The following BMP2K variants were observed in gnomAD, a reference collection of about 807,000 sequenced individuals.
The protein encoded by BMP2K is BMP-2-inducible protein kinase.
A neutral mutation model predicts 116.0 loss-of-function variants in BMP2K; 74 were observed. The ratio of observed to expected loss-of-function variants is 0.64; its 90% CI spans 0.53 to 0.77. BMP2K has a LOEUF of 0.77. Among genes scored for constraint, BMP2K ranks in the 30% least tolerant of loss-of-function variants. The pLI is 0.00. For missense variants in BMP2K, 1,365 were observed against 1,403.6 expected (o/e 0.97, Z 0.44); for synonymous variants, 486 against 502.5 (o/e 0.97, Z 0.44).
chr4:78,781,754 G>A (rs1727515853), intron 1 of BMP2K, among the ~76,000 whole-genome samples: 1 of 152,060 alleles, frequency 6.6e-6, no homozygotes, highest in Non-Finnish European at 1.5e-5. Context: ...TGCTGAGCCT[G>A]GTCCCCAACT....
chr4:78,864,558 GT>G (rs11352627), intron 9 of BMP2K, among the ~76,000 whole-genome samples: 25,535 of 144,656 alleles, frequency 0.18, 4,377 homozygotes, highest in African/African-American at 0.45. Flanking sequence ...TCAGTGTCAC[GT>G]TTTTTTTTTT....
In BMP2K at chr4:78,852,308, G is replaced by A. The variant is rs187504513; in HGVS notation, c.883+1252G>A. Among the ~76,000 whole-genome samples, 17 of 152,092 alleles carry A rather than the reference G, an allele frequency of 1.1e-4. No individual in the cohort carries two copies. The East Asian group carries it at 2.9e-3, about 26-fold the overall frequency. ...TGCTTCCCTTACTGTCAGTAAATGT[G>A]CTAATTTTAGTTTTTATCATTGCTA... On this transcript the variant is annotated intron_variant, in intron 7 of 15. Coordinates refer to ENST00000502613, the MANE Select transcript of BMP2K (RefSeq NM_198892.2).
Position 78,911,884 on chromosome 4 carries a change from C to A in BMP2K, c.3337C>A (p.His1113Asn). 1 of 1,613,938 alleles carries A rather than the reference C, an allele frequency of 6.2e-7. No individual in the cohort carries two copies. Among genetic ancestry groups the A allele is most frequent in the Non-Finnish European group, 8.5e-7 (1 of 1,179,882 alleles). ...ACAAAATTCACTACATGGGTCATTC[C>A]ATAGTGCAGATGTATTGAAAATGGA... Reference protein sequence around the residue: ...PRQNSLHGSFHSADVLKMDDF... With the variant: ...PRQNSLHGSFNSADVLKMDDF... Residue 1113 changes from histidine to asparagine, a missense_variant, in exon 16 of 16, where the codon CAT becomes AAT. His to Asn is a moderately conservative substitution (Grantham distance 68). Around this residue, in one of 3 missense-constraint regions of BMP2K, gnomAD observed 596 missense variants for 623.2 expected, o/e 0.96. Transcript: ENST00000502613.
intron 1 of BMP2K, among the ~76,000 whole-genome samples, chr4:78,823,163 C>T (rs1341345687): frequency 6.6e-6 from 1 of 152,016 alleles, no homozygotes; most frequent in Non-Finnish European, 1.5e-5. Flanking sequence ...TAAGATCTGT[C>T]TAAATTAGGG....
intron 7 of BMP2K, among the ~76,000 whole-genome samples, chr4:78,852,239 A>T (rs1327814036): frequency 2.6e-5 from 4 of 152,034 alleles, no homozygotes; most frequent in Non-Finnish European, 5.9e-5. Flanking sequence ...ATAATTTTAG[A>T]TCTAATTAGG....
At chr4:78,836,949 G>T (rs553636813) in intron 3 of BMP2K, among the ~76,000 whole-genome samples, 83 of 152,014 alleles carry the variant, frequency 5.5e-4, no homozygotes, top group Admixed American at 1.7e-3. Flanking sequence ...CAAGATATAC[G>T]TGCCTTACTG....
At chr4:78,834,536 C>T (rs1370584915) in intron 3 of BMP2K, among the ~76,000 whole-genome samples, 1 of 152,162 alleles carries the variant, frequency 6.6e-6, no homozygotes, top group Non-Finnish European at 1.5e-5. Flanking sequence ...GCTGGGATTA[C>T]AGGCATGAGC....
At chr4:78,835,032 T>C (rs1481889321) in intron 3 of BMP2K, among the ~76,000 whole-genome samples, 3 of 152,210 alleles carry the variant, frequency 2.0e-5, no homozygotes, top group Non-Finnish European at 2.9e-5. Context: ...TCTTAGAGTT[T>C]ACTTGTAGCC....
In BMP2K at chr4:78,911,623, C is replaced by A. The variant is rs780522133; in HGVS notation, c.3076C>A (p.Arg1026Ser). The A allele has an allele frequency of 6.2e-7, 1 of 1,613,936 alleles. No individual in the cohort carries two copies. Among genetic ancestry groups the A allele is most frequent in the Non-Finnish European group, 8.5e-7 (1 of 1,179,860 alleles). The change falls in exon 16 of 16, where the codon CGC becomes AGC. Residue 1026 changes from arginine to serine, a missense_variant. Physicochemically the swap from Arg to Ser is moderately radical, Grantham distance 110. This residue lies in a region of BMP2K where 596 missense variants were observed against 623.2 expected (regional missense o/e 0.96). Transcript: ENST00000502613. ...ERARRHKKVG[R>S]RDSQSSNEFL... ...GGCTCGCAGGCACAAAAAAGTGGGC[C>A]GCCGAGACTCTCAAAGTAGCAATGA...
chr4:78,830,120 GC>G (rs1560519004), intron 2 of BMP2K, among the ~76,000 whole-genome samples: 2 of 152,018 alleles, frequency 1.3e-5, no homozygotes, highest in Non-Finnish European at 2.9e-5. Flanking sequence ...TAAGCTATCT[GC>G]CCCCCGTGGA....
At chr4:78,810,863 A>G (rs533795481) in intron 1 of BMP2K, among the ~76,000 whole-genome samples, 2 of 152,322 alleles carry the variant, frequency 1.3e-5, no homozygotes, top group South Asian at 4.2e-4. Context: ...TAGGGTTGTG[A>G]AAAAGTTGAT....
At chr4:78,869,999 A>G (rs548404917) in intron 10 of BMP2K, among the ~76,000 whole-genome samples, 1 of 152,290 alleles carries the variant, frequency 6.6e-6, no homozygotes, top group East Asian at 1.9e-4. Context: ...CTAGGATTGA[A>G]CAGTTGCATT....
At chr4:78,811,965 TAA>T in intron 1 of BMP2K, among the ~76,000 whole-genome samples, 1 of 152,262 alleles carries the variant, frequency 6.6e-6, no homozygotes, top group East Asian at 1.9e-4. Flanking sequence ...AGTTATTTTT[TAA>T]AAAGTTTTTT....
chr4:78,873,782 G>A (rs761048451), intron 13 of BMP2K, among the ~76,000 whole-genome samples: 1 of 151,752 alleles, frequency 6.6e-6, no homozygotes, highest in South Asian at 2.1e-4. Flanking sequence ...AGACAGAAAC[G>A]AATGGATTTC....
At chr4:78,785,191 A>T (rs747071821) in intron 1 of BMP2K, among the ~76,000 whole-genome samples, 1 of 151,978 alleles carries the variant, frequency 6.6e-6, no homozygotes, top group African/African-American at 2.4e-5. Flanking sequence ...GTTCACTGCA[A>T]CCTCTGCCTC....
chr4:78,782,687 C>T (rs911628783), intron 1 of BMP2K, among the ~76,000 whole-genome samples: 3 of 152,106 alleles, frequency 2.0e-5, no homozygotes, highest in Non-Finnish European at 2.9e-5. Context: ...AGTTATCTTG[C>T]TTTATTGACA....
Position 78,911,618 on chromosome 4 carries a change from T to C in BMP2K, c.3071T>C (p.Val1024Ala), listed in dbSNP as rs756584259. The change falls in exon 16 of 16, where the codon GTG becomes GCG. Residue 1024 changes from valine to alanine, a missense_variant. Physicochemically the swap from Val to Ala is moderately conservative, Grantham distance 64. Transcript: ENST00000502613. ...TPERARRHKK[V>A]GRRDSQSSNE... ...GAGAGGGCTCGCAGGCACAAAAAAG[T>C]GGGCCGCCGAGACTCTCAAAGTAGC... 3 of 1,613,828 alleles carry C rather than the reference T, an allele frequency of 1.9e-6. No homozygotes were observed. The highest frequency in any genetic ancestry group is 1.7e-6 in the Non-Finnish European group (2 of 1,179,828).
At chr4:78,908,494 C>T (rs1185349092) in intron 15 of BMP2K, among the ~76,000 whole-genome samples, 1 of 152,160 alleles carries the variant, frequency 6.6e-6, no homozygotes, top group Admixed American at 6.5e-5. Context: ...ACTGAGGGCT[C>T]AGTTTTGGAT....
rs953028408 is a variant in BMP2K, at chr4:78,914,460, T to G, written c.*2427T>G. ...CCTTTGTGTTGTAGTAGAGGCATTT[T>G]CCTAAGGAGTATAGATTTATACTTT... On this transcript the variant is annotated 3_prime_UTR_variant, in exon 16 of 16. Coordinates refer to ENST00000502613, the MANE Select transcript of BMP2K (RefSeq NM_198892.2). 9.9e-5 allele frequency: 15 copies of G among 151,972 alleles called. No individual in the cohort carries two copies. The highest frequency in any genetic ancestry group is 6.6e-5 in the Admixed American group (1 of 15,214). 9.4% of individuals were successfully genotyped at this position (151,972 alleles called of 1,614,324 possible).
Sources: gnomAD v4.1 joint callset for allele counts (sites outside exome capture counted in the v4.1 genomes callset) on GRCh38, gnomAD v4.1.1 for gene constraint, gnomAD v4.1.1 regional missense constraint, MANE v1.5 for transcripts, NCBI Gene and HGNC (gene_info 2026-07-23, HGNC 2026-07-21) for gene names.